The following PBK variants were observed in gnomAD, a reference collection of about 807,000 sequenced individuals.
PBK encodes PDZ binding kinase.
A neutral mutation model predicts 33.5 loss-of-function variants in PBK; 22 were observed. The ratio of observed to expected loss-of-function variants is 0.66; its 90% CI spans 0.47 to 0.94. The LOEUF (loss-of-function observed/expected upper bound fraction) is 0.94, where lower values mean the gene tolerates loss of function less well. Among genes scored for constraint, PBK ranks in the 40% least tolerant of loss-of-function variants. The pLI is 0.00. For synonymous variants in PBK, 129 were observed against 123.8 expected (o/e 1.04, Z -0.28); for missense variants, 376 against 383.4 (o/e 0.98, Z 0.16).
chr8:27,819,672 A>G (rs1457622598), intron 6 of PBK, among the ~76,000 whole-genome samples: 1 of 152,086 alleles, frequency 6.6e-6, no homozygotes, highest in Non-Finnish European at 1.5e-5. Flanking sequence ...TTGCCTTACT[A>G]TTTACTCAGA....
intron 2 of PBK, 140 bp from the exon 3 acceptor site, chr8:27,828,338 A>T: frequency 2.3e-6 from 1 of 444,166 alleles, no homozygotes; most frequent in Non-Finnish European, 4.0e-6. Context: ...TCCTAATTTT[A>T]AATGGGTATC....
chr8:27,825,777 C>A (rs1302299433), intron 3 of PBK, among the ~76,000 whole-genome samples: 1 of 151,846 alleles, frequency 6.6e-6, no homozygotes, highest in African/African-American at 2.4e-5. Flanking sequence ...GATAAAAACT[C>A]AATAGAATTG....
chr8:27,812,483 AT>A (rs1179580706), intron 6 of PBK: 11 of 152,184 alleles, frequency 7.2e-5, no homozygotes, highest in African/African-American at 2.7e-4. Flanking sequence ...ATGGGATCTA[AT>A]TAAAGAGCTT....
intron 6 of PBK, among the ~76,000 whole-genome samples, chr8:27,819,410 ATTC>A (rs1322707153): frequency 8.5e-5 from 13 of 152,188 alleles, no homozygotes; most frequent in Middle Eastern, 6.8e-3. Flanking sequence ...GACTTGTTAT[ATTC>A]TTATATTTTC....
intron 3 of PBK, among the ~76,000 whole-genome samples, chr8:27,824,627 C>T: frequency 6.6e-6 from 1 of 152,060 alleles, no homozygotes; most frequent in East Asian, 1.9e-4. Flanking sequence ...ACTAGAAATA[C>T]AAAGTGCAGA....
rs558545785 is a variant in PBK, at chr8:27,820,816, G to A, written c.466-122C>T. 11 of 485,002 alleles carry A rather than the reference G, an allele frequency of 2.3e-5. No homozygotes were observed. The East Asian group carries it at 4.2e-4, about 18-fold the overall frequency. 30.0% of individuals were successfully genotyped at this position (485,002 alleles called of 1,614,324 possible). A position where few individuals can be genotyped will look rare whatever the true frequency, so the allele number is the denominator to read the frequency against. On this transcript the variant is annotated intron_variant, in intron 5 of 7. Transcript: ENST00000301905. Reference sequence around the variant, plus strand: ...AACTCTAGGTTTACATTTGTCCAGCGTTTCAAAATTTTTTTTTTTTTTTTT... The same window carrying A: ...AACTCTAGGTTTACATTTGTCCAGCATTTCAAAATTTTTTTTTTTTTTTTT...
chr8:27,814,033 A>G (rs1211723707), intron 6 of PBK, among the ~76,000 whole-genome samples: 3 of 152,154 alleles, frequency 2.0e-5, no homozygotes, highest in Non-Finnish European at 2.9e-5. Flanking sequence ...ATGTCCTACA[A>G]TGTGTCAGGT....
At chr8:27,828,384 A>G (rs1806067018) in intron 2 of PBK, among the ~76,000 whole-genome samples, 186 bp from the exon 3 acceptor site, 1 of 152,208 alleles carries the variant, frequency 6.6e-6, no homozygotes, top group South Asian at 2.1e-4. Context: ...TTTATCCTAC[A>G]GTAACTCTGA....
In PBK at chr8:27,823,058, C is replaced by T. The variant is rs1416013388; in HGVS notation, c.295+5G>A. ...ACCAGATACTGCTACCAAATTTAAACGTACCAACAATGTTTGGATGATGAA... is the reference window on the plus strand; with the variant it reads ...ACCAGATACTGCTACCAAATTTAAATGTACCAACAATGTTTGGATGATGAA... On this transcript the variant is annotated splice_donor_5th_base_variant and intron_variant, in intron 4 of 7. Transcript: ENST00000301905. The T allele has an allele frequency of 5.1e-6, 8 of 1,583,810 alleles. No homozygotes were observed. The highest frequency in any genetic ancestry group is 1.7e-5 in the Admixed American group (1 of 58,186).
At chr8:27,827,293 A>G (rs935249864) in intron 3 of PBK, among the ~76,000 whole-genome samples, 6 of 152,334 alleles carry the variant, frequency 3.9e-5, no homozygotes, top group Middle Eastern at 3.4e-3. Flanking sequence ...TACACCTGTA[A>G]TCCCAGCATT....
At chr8:27,832,641 T>A (rs1182094173) in intron 2 of PBK, among the ~76,000 whole-genome samples, 1 of 152,234 alleles carries the variant, frequency 6.6e-6, no homozygotes, top group Non-Finnish European at 1.5e-5. Context: ...TTGTAGCTAT[T>A]TTTTATATAA....
At chr8:27,818,007 A>C (rs67595467) in intron 6 of PBK, among the ~76,000 whole-genome samples, 25,141 of 152,148 alleles carry the variant, frequency 0.17, 2,707 homozygotes, top group East Asian at 0.37. Context: ...TGTAAATAGC[A>C]ACATGCAGCT....
intron 2 of PBK, among the ~76,000 whole-genome samples, chr8:27,831,328 G>A (rs973039378): frequency 7.9e-5 from 12 of 151,922 alleles, no homozygotes; most frequent in Non-Finnish European, 1.6e-4. Flanking sequence ...ACTCCATTAC[G>A]GGTGACAAAA....
intron 6 of PBK, among the ~76,000 whole-genome samples, chr8:27,815,524 C>A (rs1437432306): frequency 6.6e-6 from 1 of 152,036 alleles, no homozygotes; most frequent in Admixed American, 6.6e-5. Context: ...GAATTCATGA[C>A]AAGAGAAAAG....
chr8:27,820,454 C>T, intron 6 of PBK, 111 bp downstream of exon 6: 1 of 700,786 alleles, frequency 1.4e-6, no homozygotes, highest in African/African-American at 1.8e-5. Context: ...GACTTTTTAC[C>T]ATATACTTTT....
At chr8:27,816,599 A>G (rs1453973468) in intron 6 of PBK, among the ~76,000 whole-genome samples, 2 of 151,632 alleles carry the variant, frequency 1.3e-5, no homozygotes, top group African/African-American at 4.9e-5. Context: ...GATGGTCTCA[A>G]TCTCCTGACC....
intron 2 of PBK, among the ~76,000 whole-genome samples, chr8:27,829,087 T>C (rs2128965054): frequency 1.1e-5 from 1 of 92,972 alleles, no homozygotes; most frequent in South Asian, 4.1e-4. Flanking sequence ...CGGCTAGAAT[T>C]TGTGGAGCAG....
rs553142825 is a variant in PBK at position 27,826,873 on chromosome 8, C to G, written c.152+1232G>C. The stretch of plus-strand genomic sequence containing the variant: ...ACATACAGTGTAACTTTGTTAAAAA[C>G]ACTTTACATTTAAAAACTTTTTTTA... On this transcript the variant is annotated intron_variant, in intron 3 of 7. Transcript: ENST00000301905. Among the ~76,000 whole-genome samples, 12 of 144,968 alleles carry G rather than the reference C, an allele frequency of 8.3e-5. No individual in the cohort carries two copies. In the East Asian group the frequency reaches 2.4e-3, roughly 29 times the overall value.
chr8:27,836,328 G>A (rs2128966497), intron 1 of PBK, among the ~76,000 whole-genome samples: 1 of 152,190 alleles, frequency 6.6e-6, no homozygotes, highest in South Asian at 2.1e-4. Context: ...GAGCATTGTA[G>A]CCACAGGACT....
Sources: allele counts gnomAD v4.1 joint callset (sites outside exome capture counted in the v4.1 genomes callset), GRCh38; gene constraint gnomAD v4.1.1; transcripts MANE v1.5; gene names NCBI Gene and HGNC (gene_info 2026-07-23, HGNC 2026-07-21).